Variants in ZDHHC7 observed in about 807,000 individuals in gnomAD.
The protein encoded by ZDHHC7 is zDHHC palmitoyltransferase 7.
ZDHHC7 carries 12 observed loss-of-function variants against 34.1 expected under a neutral mutation model. That is an observed-to-expected ratio of 0.35 (90% confidence interval 0.23 to 0.57). ZDHHC7 has a LOEUF of 0.57. Among genes scored for constraint, ZDHHC7 ranks in the 20% least tolerant of loss-of-function variants. The pLI is 0.84. For synonymous variants in ZDHHC7, 185 were observed against 155.4 expected, an observed-to-expected ratio of 1.19 and a Z score of -1.42; for missense variants, 388 against 402.7, an observed-to-expected ratio of 0.96 and a Z score of 0.31.
At chr16:85,024,213 T>C in the ZDHHC7 span, among the ~76,000 whole-genome samples, 2 of 147,864 alleles carry the variant, frequency 1.4e-5, no homozygotes, top group Non-Finnish European at 3.0e-5. Context: ...GCCCCACACT[T>C]GGTCTCAGAG....
chr16:84,985,468 G>A (rs1310302853), intron 3 of ZDHHC7, among the ~76,000 whole-genome samples: 2 of 152,320 alleles, frequency 1.3e-5, no homozygotes, highest in South Asian at 4.1e-4. Context: ...TGGGGACGAG[G>A]AGCACAGCAA....
intron 7 of ZDHHC7, 145 bp downstream of exon 7, chr16:84,976,950 A>T: frequency 1.6e-6 from 2 of 1,240,766 alleles, no homozygotes; most frequent in Non-Finnish European, 2.2e-6. Context: ...GAAACAGCAA[A>T]CACAGGGAGC....
chr16:84,977,147 A>G lies in ZDHHC7; in HGVS notation c.698T>C (p.Phe233Ser). ...TTGGGTGCCAAACATAACTGCAGTG[A>G]AAGTGAAAAACAGAAGACCCTCAAG... ...LCLEGLLFFTFTAVMFGTQIH... is the reference protein window; with the variant it reads ...LCLEGLLFFTSTAVMFGTQIH... The change falls in exon 7 of 8, where the codon TTC becomes TCC. Residue 233 changes from phenylalanine to serine, a missense_variant. Phe to Ser is a radical substitution (Grantham distance 155). Coordinates refer to ENST00000313732, the MANE Select transcript of ZDHHC7 (RefSeq NM_017740.3). The G allele has an allele frequency of 6.2e-7, 1 of 1,614,236 alleles. No homozygotes were observed. The highest frequency in any genetic ancestry group is 8.5e-7 in the Non-Finnish European group (1 of 1,180,048).
At chr16:84,996,305 G>A (rs2072575675) in intron 1 of ZDHHC7, among the ~76,000 whole-genome samples, 1 of 152,138 alleles carries the variant, frequency 6.6e-6, no homozygotes, top group Non-Finnish European at 1.5e-5. Flanking sequence ...ATCCCCTAGG[G>A]CAGACCAAAT....
intron 2 of ZDHHC7, among the ~76,000 whole-genome samples, chr16:84,992,580 G>T (rs1193078000): frequency 6.6e-6 from 1 of 152,214 alleles, no homozygotes; most frequent in African/African-American, 2.4e-5. Context: ...TAATATCACA[G>T]ATAAAGAGCC....
chr16:85,014,575 G>A (rs374367859), upstream of ZDHHC7, among the ~76,000 whole-genome samples: 37 of 152,292 alleles, frequency 2.4e-4, 1 homozygote, highest in East Asian at 6.0e-3. Flanking sequence ...CAAGAACAGC[G>A]AGGAAGGGAG....
the ZDHHC7 span, among the ~76,000 whole-genome samples, chr16:85,020,240 A>T: frequency 2.6e-5 from 4 of 152,202 alleles, no homozygotes; most frequent in Non-Finnish European, 5.9e-5. Context: ...TCCTCAGGCT[A>T]CAATAACCCA....
upstream of ZDHHC7, among the ~76,000 whole-genome samples, chr16:85,015,100 GT>G (rs535398788): frequency 0.03 from 4,289 of 141,172 alleles, 201 homozygotes; most frequent in African/African-American, 0.1. Context: ...GAGTTTTGTT[GT>G]TTTTTTTTTT....
chr16:85,020,621 G>C, the ZDHHC7 span, among the ~76,000 whole-genome samples: 1 of 152,136 alleles, frequency 6.6e-6, no homozygotes, highest in African/African-American at 2.4e-5. Flanking sequence ...TCCTACAGTA[G>C]AAAGGAGCAT....
chr16:84,998,525 A>G (rs1309219097), intron 1 of ZDHHC7, among the ~76,000 whole-genome samples: 2 of 152,082 alleles, frequency 1.3e-5, no homozygotes. Flanking sequence ...TTCTGAAAAC[A>G]TATTCTGGGG....
Position 84,976,218 on chromosome 16 carries a change from T to G in ZDHHC7, c.*125A>C. On this transcript the variant is annotated 3_prime_UTR_variant, in exon 8 of 8. Transcript: ENST00000313732. ...TATAAATATATAAAACTCTGCTTGC[T>G]GCAAGCAATTGGTTTGTGTAGGTTC... 8.2e-7 allele frequency: 1 copy of G among 1,223,450 alleles called. No individual in the cohort carries two copies. The highest frequency in any genetic ancestry group is 1.2e-6 in the Non-Finnish European group (1 of 866,626). 75.8% of individuals were successfully genotyped at this position (1,223,450 alleles called of 1,614,324 possible).
At chr16:85,020,796 C>T in the ZDHHC7 span, among the ~76,000 whole-genome samples, 514 of 152,214 alleles carry the variant, frequency 3.4e-3, no homozygotes, top group Middle Eastern at 0.01. Context: ...GACTGGAGCA[C>T]ATTTGTGGTT....
intron 1 of ZDHHC7, among the ~76,000 whole-genome samples, chr16:85,003,104 C>T (rs1036763509): frequency 7.2e-5 from 11 of 152,056 alleles, no homozygotes; most frequent in African/African-American, 2.7e-4. Flanking sequence ...GAAGGCAAGA[C>T]CAAGATGCAA....
Position 84,990,727 on chromosome 16 carries a change from C to A in ZDHHC7, c.-17-92G>T. 2.8e-6 allele frequency: 3 copies of A among 1,065,140 alleles called. No individual in the cohort carries two copies. The South Asian group carries it at 4.8e-5, about 17-fold the overall frequency. 66.0% of individuals were successfully genotyped at this position (1,065,140 alleles called of 1,614,324 possible). ...TGTTACAGTTTGTCCTTGGCCATTTCATGAAGTTAGTCTAAATACACATAG... is the reference window on the plus strand; with the variant it reads ...TGTTACAGTTTGTCCTTGGCCATTTAATGAAGTTAGTCTAAATACACATAG... On this transcript the variant is annotated intron_variant, in intron 2 of 7. Transcript: ENST00000313732.
intron 3 of ZDHHC7, among the ~76,000 whole-genome samples, chr16:84,989,646 G>C (rs549065966): frequency 8.6e-4 from 117 of 135,892 alleles, no homozygotes; most frequent in African/African-American, 3.2e-3. Context: ...AGTGAGCCAA[G>C]ATCGCACATT....
At chr16:85,019,093 G>A in the ZDHHC7 span, among the ~76,000 whole-genome samples, 4 of 152,166 alleles carry the variant, frequency 2.6e-5, no homozygotes, top group East Asian at 1.9e-4. Flanking sequence ...GACCAAGGTC[G>A]TCCATGCTCA....
At chr16:84,977,821 G>T (rs1005629844) in intron 6 of ZDHHC7, 103 bp downstream of exon 6, 3 of 870,846 alleles carry the variant, frequency 3.4e-6, no homozygotes, top group African/African-American at 3.5e-5. Context: ...TAATTGCAAT[G>T]ATTTCCTTCA....
intron 1 of ZDHHC7, among the ~76,000 whole-genome samples, chr16:84,996,525 T>C (rs2072579103): frequency 6.6e-6 from 1 of 152,202 alleles, no homozygotes; most frequent in Non-Finnish European, 1.5e-5. Flanking sequence ...ATCTCCCACG[T>C]AGCTCCCCGA....
chr16:84,982,318 C>T (rs1225456243), intron 3 of ZDHHC7, among the ~76,000 whole-genome samples: 1 of 149,696 alleles, frequency 6.7e-6, no homozygotes, highest in Non-Finnish European at 1.5e-5. Flanking sequence ...GCACTCCAAC[C>T]TGGGCGACAG....
Sources: allele counts gnomAD v4.1 joint callset (sites outside exome capture counted in the v4.1 genomes callset), GRCh38; gene constraint gnomAD v4.1.1; transcripts MANE v1.5; gene names NCBI Gene and HGNC (gene_info 2026-07-23, HGNC 2026-07-21).